Variants in MAN2A1 observed in about 807,000 individuals in gnomAD.
MAN2A1 encodes mannosidase alpha class 2A member 1.
Under a neutral mutation model 142.6 loss-of-function variants are expected in MAN2A1, and 76 were observed. That is an observed-to-expected ratio of 0.53 (90% confidence interval 0.44 to 0.65). The LOEUF (loss-of-function observed/expected upper bound fraction) is 0.65, where lower values mean the gene tolerates loss of function less well. MAN2A1 is among the 30% of genes least tolerant of loss of function. The pLI is 0.00. For missense variants in MAN2A1, 1,311 were observed against 1,365.1 expected, an observed-to-expected ratio of 0.96 and a Z score of 0.62; for synonymous variants, 559 against 473.2, an observed-to-expected ratio of 1.18 and a Z score of -2.35.
At chr5:109,765,629 A>G (rs1197928186) in intron 5 of MAN2A1, among the ~76,000 whole-genome samples, 1 of 152,172 alleles carries the variant, frequency 6.6e-6, no homozygotes, top group African/African-American at 2.4e-5. Flanking sequence ...TTTATGTTTT[A>G]GTGTCCATTG....
intron 5 of MAN2A1, among the ~76,000 whole-genome samples, chr5:109,758,319 T>C (rs1752744803): frequency 6.6e-6 from 1 of 152,108 alleles, no homozygotes; most frequent in Non-Finnish European, 1.5e-5. Context: ...TGCGTATAGA[T>C]CTTTTAAGGA....
At chr5:109,697,985 T>A (rs553829605) in intron 1 of MAN2A1, among the ~76,000 whole-genome samples, 2 of 152,352 alleles carry the variant, frequency 1.3e-5, no homozygotes, top group East Asian at 3.9e-4. Flanking sequence ...TTGTTTCTCT[T>A]CTTTCACCTG....
At chr5:109,823,447 G>A (rs1754680082) in intron 15 of MAN2A1, among the ~76,000 whole-genome samples, 1 of 152,088 alleles carries the variant, frequency 6.6e-6, no homozygotes, top group African/African-American at 2.4e-5. Context: ...ACAAATAGAA[G>A]GATTTTAGTT....
rs930300488 is a variant in MAN2A1 at position 109,690,343 on chromosome 5, C to T, written c.-75C>T. On this transcript the variant is annotated 5_prime_UTR_variant, in exon 1 of 22. Coordinates refer to ENST00000261483, the MANE Select transcript of MAN2A1 (RefSeq NM_002372.4). Reference sequence around the variant, plus strand: ...CCCGGGAGAAGGGAGCCTCCGGCGGCTGCTTCCTAGAGTCCACAGTGCGCT... The same window carrying T: ...CCCGGGAGAAGGGAGCCTCCGGCGGTTGCTTCCTAGAGTCCACAGTGCGCT... 4 of 1,537,126 alleles carry T rather than the reference C, an allele frequency of 2.6e-6. No individual in the cohort carries two copies. Among genetic ancestry groups the T allele is most frequent in the South Asian group, 2.2e-5 (2 of 89,256 alleles).
At chr5:109,807,602 T>A (rs1017290407) in intron 12 of MAN2A1, among the ~76,000 whole-genome samples, 1 of 152,206 alleles carries the variant, frequency 6.6e-6, no homozygotes, top group Non-Finnish European at 1.5e-5. Context: ...TGTTGTCACA[T>A]AGTCTTCTTC....
intron 18 of MAN2A1, 69 bp downstream of exon 18, chr5:109,846,075 T>C (rs1755337879): frequency 7.1e-7 from 1 of 1,399,752 alleles, no homozygotes; most frequent in Non-Finnish European, 9.6e-7. Flanking sequence ...TTTCTGTTGG[T>C]CAGATGTGGT....
intron 17 of MAN2A1, among the ~76,000 whole-genome samples, chr5:109,844,409 T>G (rs1755294893): frequency 6.6e-6 from 1 of 152,048 alleles, no homozygotes; most frequent in Non-Finnish European, 1.5e-5. Flanking sequence ...TTTTTTAAAA[T>G]AAGTTTACAT....
intron 1 of MAN2A1, among the ~76,000 whole-genome samples, chr5:109,704,626 A>G (rs1234199736): frequency 6.6e-6 from 1 of 152,128 alleles, no homozygotes. Context: ...TCATTTTATC[A>G]AGCCCAAAAG....
At chr5:109,789,589 G>A (rs1561513244) in intron 12 of MAN2A1, 62 bp downstream of exon 12, 4 of 1,169,272 alleles carry the variant, frequency 3.4e-6, no homozygotes, top group Middle Eastern at 2.0e-4. Flanking sequence ...TTGGTTTTAT[G>A]GTTCTGGTTT....
intron 12 of MAN2A1, among the ~76,000 whole-genome samples, chr5:109,816,006 A>G (rs1313171440): frequency 6.6e-6 from 1 of 152,242 alleles, no homozygotes; most frequent in Non-Finnish European, 1.5e-5. Context: ...TTGATTATAA[A>G]TTATAAAATC....
intron 8 of MAN2A1, among the ~76,000 whole-genome samples, chr5:109,776,403 C>T (rs961845117): frequency 6.6e-6 from 1 of 151,796 alleles, no homozygotes; most frequent in African/African-American, 2.4e-5. Context: ...CGTGTATTTT[C>T]CTGAGAGATG....
intron 5 of MAN2A1, among the ~76,000 whole-genome samples, chr5:109,764,412 A>G (rs1041853245): frequency 1.3e-5 from 2 of 152,088 alleles, no homozygotes; most frequent in Non-Finnish European, 2.9e-5. Flanking sequence ...TGAGCTTTCC[A>G]GTTTTATTAG....
chr5:109,756,585 C>CA (rs1752696102), intron 5 of MAN2A1, among the ~76,000 whole-genome samples: 1 of 152,018 alleles, frequency 6.6e-6, no homozygotes, highest in South Asian at 2.1e-4. Context: ...CCAGATTTAC[C>CA]AGTTGTTAAC....
At position 109,832,851 on chromosome 5, in the gene MAN2A1, G is replaced by A. The variant is rs1315351716; in HGVS notation, c.2566+9014G>A. 7.6e-5 allele frequency among the ~76,000 whole-genome samples: 11 copies of A among 144,372 alleles called. 1 individual carries two copies. The highest frequency in any genetic ancestry group is 4.0e-4 in the Admixed American group (6 of 14,974). 94.7% of individuals were successfully genotyped at this position (144,372 alleles called of 152,430 possible). A position where few individuals can be genotyped will look rare whatever the true frequency, so the allele number is the denominator to read the frequency against. On this transcript the variant is annotated intron_variant, in intron 16 of 21. Coordinates refer to ENST00000261483, the MANE Select transcript of MAN2A1 (RefSeq NM_002372.4). ...CTCCTGGAGGGGGCGGCTGCCGGGC[G>A]GAGGGGCTCCTCACTTCCCAGACGG...
At chr5:109,757,360 A>C (rs539030060) in intron 5 of MAN2A1, among the ~76,000 whole-genome samples, 36 of 152,300 alleles carry the variant, frequency 2.4e-4, no homozygotes, top group African/African-American at 8.4e-4. Context: ...TTAAATGTAG[A>C]GGTCAGTGAG....
chr5:109,793,251 A>G (rs1185888022), intron 12 of MAN2A1, among the ~76,000 whole-genome samples: 1 of 152,170 alleles, frequency 6.6e-6, no homozygotes, highest in Non-Finnish European at 1.5e-5. Flanking sequence ...AGATCAGGCC[A>G]AAATGGGTCA....
rs369747222 is a variant in MAN2A1 at position 109,792,639 on chromosome 5, G to A, written c.1943+3112G>A. Among the ~76,000 whole-genome samples, 21 of 152,146 alleles carry A rather than the reference G, an allele frequency of 1.4e-4. No individual in the cohort carries two copies. The East Asian group carries it at 3.3e-3, about 24-fold the overall frequency. On this transcript the variant is annotated intron_variant, in intron 12 of 21. Coordinates refer to ENST00000261483, the MANE Select transcript of MAN2A1 (RefSeq NM_002372.4). ...AAATACAATTTATTATATTTCCCAC[G>A]TTTTTGTAGAACTGCTGGTCAGTTC...
chr5:109,721,234 G>T (rs1381580746), intron 3 of MAN2A1, among the ~76,000 whole-genome samples: 1 of 152,022 alleles, frequency 6.6e-6, no homozygotes, highest in Non-Finnish European at 1.5e-5. Context: ...TAAAATCTGT[G>T]TTTTTTCCAT....
intron 20 of MAN2A1, chr5:109,862,367 C>T (rs190089365): frequency 2.6e-5 from 4 of 152,280 alleles, no homozygotes; most frequent in Admixed American, 6.5e-5. Context: ...GGTTTTATCC[C>T]CTGAATTAAG....
Sources: gnomAD v4.1 joint callset for allele counts (sites outside exome capture counted in the v4.1 genomes callset) on GRCh38, gnomAD v4.1.1 for gene constraint, MANE v1.5 for transcripts, NCBI Gene and HGNC (gene_info 2026-07-23, HGNC 2026-07-21) for gene names.